The following TNRC6C variants were observed in gnomAD, a reference collection of about 807,000 sequenced individuals.
TNRC6C encodes the protein trinucleotide repeat containing adaptor 6C, also known as trinucleotide repeat-containing gene 6C protein.
A neutral mutation model predicts 153.7 loss-of-function variants in TNRC6C; 20 were observed. The observed-to-expected ratio is 0.13, with a 90% confidence interval of 0.09 to 0.19. The LOEUF (loss-of-function observed/expected upper bound fraction) is 0.19, where lower values mean the gene tolerates loss of function less well. Ranked by LOEUF, TNRC6C falls within the 10% of genes least tolerant of loss-of-function variation. The pLI, the probability that TNRC6C is intolerant of heterozygous loss-of-function variation, is 1.00. For synonymous variants in TNRC6C, 811 were observed against 841.4 expected (o/e 0.96, Z 0.63); for missense variants, 1,987 against 2,172.0 (o/e 0.91, Z 1.69).
chr17:78,088,111 T>A (rs1030659942), intron 13 of TNRC6C, among the ~76,000 whole-genome samples: 4 of 152,266 alleles, frequency 2.6e-5, no homozygotes, highest in Non-Finnish European at 4.4e-5. Context: ...ATTTATCTAA[T>A]TCTATTCAAT....
chr17:78,058,640 T>C (rs74677655), intron 3 of TNRC6C, among the ~76,000 whole-genome samples: 1,886 of 152,292 alleles, frequency 0.012, 35 homozygotes, highest in African/African-American at 0.043. Flanking sequence ...AAAATATCAT[T>C]ACATATGCCA....
At chr17:78,086,788 G>C (rs550507669) in intron 12 of TNRC6C, 65 bp from the exon 15 acceptor site, 1 of 1,589,136 alleles carries the variant, frequency 6.3e-7, no homozygotes, top group African/African-American at 1.3e-5. Context: ...AATGCATTTG[G>C]TCCCTAGACA....
intron 10 of TNRC6C, among the ~76,000 whole-genome samples, chr17:78,081,336 G>A (rs1226649346): frequency 6.6e-6 from 1 of 152,066 alleles, no homozygotes; most frequent in Non-Finnish European, 1.5e-5. Context: ...ACGAAAAAGA[G>A]CAGGATGCAC....
intron 1 of TNRC6C, among the ~76,000 whole-genome samples, chr17:77,963,918 C>T (rs749563964): frequency 6.6e-6 from 1 of 152,178 alleles, no homozygotes; most frequent in East Asian, 1.9e-4. Flanking sequence ...TAAGGGGTGT[C>T]TAGGAAATAA....
intron 3 of TNRC6C, among the ~76,000 whole-genome samples, chr17:78,059,846 C>CAAAAAA (rs762507955): frequency 3.9e-5 from 3 of 77,712 alleles, no homozygotes; most frequent in African/African-American, 4.4e-5. Flanking sequence ...GACCCTGTCT[C>CAAAAAA]AAAAAAAAAA....
At chr17:78,010,255 C>T (rs997906137) in intron 1 of TNRC6C, among the ~76,000 whole-genome samples, 1 of 152,150 alleles carries the variant, frequency 6.6e-6, no homozygotes, top group Non-Finnish European at 1.5e-5. Flanking sequence ...TTAAACTTTA[C>T]CATGCGTTCA....
chr17:78,006,552 CTTCTTCTTCCTTCTTCCTTCTTCCTT>C (rs1567910973), intron 1 of TNRC6C, among the ~76,000 whole-genome samples: 45 of 63,196 alleles, frequency 7.1e-4, no homozygotes, highest in African/African-American at 3.0e-3. Context: ...TCTTCTTCTT[CTTCTTCTTCCTTCTTCCTTCTTCCTT>C]CTTCTTCCTT....
At chr17:78,090,569 T>G (rs879287433) in intron 13 of TNRC6C, among the ~76,000 whole-genome samples, 2 of 152,220 alleles carry the variant, frequency 1.3e-5, no homozygotes, top group Non-Finnish European at 2.9e-5. Context: ...AAACAAGCAG[T>G]CTGTCCTGCT....
intron 3 of TNRC6C, among the ~76,000 whole-genome samples, chr17:78,054,839 C>A (rs775219524): frequency 6.6e-6 from 1 of 152,166 alleles, no homozygotes; most frequent in Admixed American, 6.5e-5. Context: ...CTACCATACA[C>A]CACTGCAGAC....
intron 16 of TNRC6C, chr17:78,097,746 G>A (rs1484980291): frequency 2.6e-6 from 4 of 1,547,008 alleles, no homozygotes; most frequent in Middle Eastern, 1.7e-4. Context: ...GTTCTGCAGG[G>A]TCCTCCCCGC....
At chr17:77,972,208 C>T (rs559267459) in intron 1 of TNRC6C, among the ~76,000 whole-genome samples, 1 of 152,090 alleles carries the variant, frequency 6.6e-6, no homozygotes, top group Non-Finnish European at 1.5e-5. Context: ...ACACAGGTTA[C>T]TAAAATCAAG....
At chr17:78,106,238 A>G (rs530574689) in exon 20 of TNRC6C, 2 of 149,294 alleles carry the variant, frequency 1.3e-5, no homozygotes, top group African/African-American at 5.0e-5. Flanking sequence ...AAATTTTAAA[A>G]ATTTAAAAAG....
chr17:78,061,608 G>A (rs889249820), intron 3 of TNRC6C, among the ~76,000 whole-genome samples: 6 of 152,142 alleles, frequency 3.9e-5, no homozygotes, highest in African/African-American at 1.2e-4. Flanking sequence ...CTAGGAGTTC[G>A]AGGCTGCAGC....
chr17:78,025,089 C>G (rs1280613162), intron 1 of TNRC6C, among the ~76,000 whole-genome samples: 1 of 152,180 alleles, frequency 6.6e-6, no homozygotes, highest in African/African-American at 2.4e-5. Flanking sequence ...CCGCGCCCGG[C>G]CAATACATTA....
chr17:77,977,008 G>C (rs1314051617), intron 1 of TNRC6C, among the ~76,000 whole-genome samples: 1 of 132,496 alleles, frequency 7.5e-6, no homozygotes, highest in East Asian at 2.3e-4. Context: ...GAAAAAAATA[G>C]AATGCTTAAC....
chr17:78,018,508 A>G lies in TNRC6C; in HGVS notation c.-545-13008A>G, dbSNP rs369784969. Reference sequence around the variant, plus strand: ...GGAACCCATTAAATATTTTCTAAATAAGGAGAGGATAGGTGGGGATATTGA... The same window carrying G: ...GGAACCCATTAAATATTTTCTAAATGAGGAGAGGATAGGTGGGGATATTGA... On this transcript the variant is annotated intron_variant, in intron 1 of 19. Transcript: ENST00000301624. Among the ~76,000 whole-genome samples the G allele has an allele frequency of 4.4e-3, 671 of 152,294 alleles. 11 individuals are homozygous for G. The highest frequency in any genetic ancestry group is 0.025 in the South Asian group (121 of 4,822).
chr17:78,056,902 G>T (rs1245278563), intron 3 of TNRC6C, among the ~76,000 whole-genome samples: 1 of 147,054 alleles, frequency 6.8e-6, no homozygotes. Context: ...TAAACAAATT[G>T]CACATATTAT....
chr17:77,991,492 TGAATGTG>T (rs1207904990), intron 1 of TNRC6C, among the ~76,000 whole-genome samples: 10 of 152,164 alleles, frequency 6.6e-5, no homozygotes, highest in Non-Finnish European at 1.3e-4. Context: ...TGTGGTCACT[TGAATGTG>T]AACAGAAATA....
At chr17:78,009,080 G>A (rs1598678859) in intron 1 of TNRC6C, among the ~76,000 whole-genome samples, 1 of 152,072 alleles carries the variant, frequency 6.6e-6, no homozygotes, top group Non-Finnish European at 1.5e-5. Context: ...ACAATTACCT[G>A]TTACCTTAGT....
Sources: allele counts gnomAD v4.1 joint callset (sites outside exome capture counted in the v4.1 genomes callset), GRCh38; gene constraint gnomAD v4.1.1; transcripts MANE v1.5; gene names NCBI Gene and HGNC (gene_info 2026-07-23, HGNC 2026-07-21).